The following LHFPL3 variants were observed in gnomAD, a reference collection of about 807,000 sequenced individuals.
LHFPL3 encodes the protein LHFPL tetraspan subfamily member 3 protein.
In LHFPL3, 5 loss-of-function variants were observed where a neutral mutation model predicts 19.3. That is an observed-to-expected ratio of 0.26 (90% CI 0.14 to 0.54). LHFPL3 has a LOEUF of 0.54. Ranked by LOEUF, LHFPL3 falls within the 20% of genes least tolerant of loss-of-function variation. LHFPL3 has a pLI of 0.94. For synonymous variants in LHFPL3, 133 were observed against 126.2 expected (o/e 1.05, Z -0.36); for missense variants, 249 against 307.4 (o/e 0.81, Z 1.42).
intron 1 of LHFPL3, among the ~76,000 whole-genome samples, chr7:104,516,087 G>T (rs933811437): frequency 4.6e-5 from 7 of 152,074 alleles, no homozygotes; most frequent in Non-Finnish European, 1.0e-4. Flanking sequence ...AAGGAAAAAG[G>T]TTTAGTTGAC....
In LHFPL3 at chr7:104,328,680, G is replaced by A. The variant is rs1055253437; in HGVS notation, c.-100G>A. 1.3e-5 allele frequency: 14 copies of A among 1,042,530 alleles called. No individual in the cohort carries two copies. Among genetic ancestry groups the A allele is most frequent in the African/African-American group, 1.1e-4 (7 of 63,996 alleles). 64.6% of individuals were successfully genotyped at this position (1,042,530 alleles called of 1,614,324 possible). A position where few individuals can be genotyped will look rare whatever the true frequency, so the allele number is the denominator to read the frequency against. On this transcript the variant is annotated 5_prime_UTR_variant, in exon 1 of 3. Transcript: ENST00000424859. The surrounding 1 kb of genome is among the most constrained non-coding windows in gnomAD (Gnocchi z 4.6). Reference sequence around the variant, plus strand: ...GCTGGGCTGAGGCGGAGGCAGGGGAGTTGCAGCGCGCGAGGCTCCGTGAGT... The same window carrying A: ...GCTGGGCTGAGGCGGAGGCAGGGGAATTGCAGCGCGCGAGGCTCCGTGAGT...
chr7:104,814,951 G>A (rs1159665291), intron 2 of LHFPL3, among the ~76,000 whole-genome samples: 1 of 152,202 alleles, frequency 6.6e-6, no homozygotes, highest in Non-Finnish European at 1.5e-5. Context: ...AGTAGTGCAG[G>A]GATGCCTGGG....
At chr7:104,819,707 C>T (rs1235732525) in intron 2 of LHFPL3, among the ~76,000 whole-genome samples, 1 of 152,146 alleles carries the variant, frequency 6.6e-6, no homozygotes, top group Non-Finnish European at 1.5e-5. Flanking sequence ...GTAATCACGA[C>T]CTTTTGGGAT....
chr7:104,762,226 G>A (rs965476610), intron 2 of LHFPL3, among the ~76,000 whole-genome samples: 1 of 152,108 alleles, frequency 6.6e-6, no homozygotes, highest in South Asian at 2.1e-4. Context: ...GATGTAGGTA[G>A]GAAGGAAGTA....
In LHFPL3 at chr7:104,504,001, A is replaced by C. The variant is rs62485117; in HGVS notation, c.445+174777A>C. 4.0e-3 allele frequency among the ~76,000 whole-genome samples: 609 copies of C among 152,268 alleles called. 4 individuals are homozygous for C. The highest frequency in any genetic ancestry group is 6.7e-3 in the Admixed American group (102 of 15,304). ...GATATGGAAAATAACTGCTCATCAC[A>C]CTTATGCAATCCATTCTGTACTAGA... On this transcript the variant is annotated intron_variant, in intron 1 of 2. Coordinates refer to ENST00000424859, the MANE Select transcript of LHFPL3 (RefSeq NM_199000.3).
At chr7:104,857,196 G>A in intron 2 of LHFPL3, among the ~76,000 whole-genome samples, 1 of 152,160 alleles carries the variant, frequency 6.6e-6, no homozygotes, top group East Asian at 1.9e-4. Flanking sequence ...CGCACTGCCA[G>A]CAATCTGCCT....
intron 1 of LHFPL3, among the ~76,000 whole-genome samples, chr7:104,384,782 T>A: frequency 8.0e-6 from 1 of 125,492 alleles, no homozygotes; most frequent in Non-Finnish European, 1.6e-5. Context: ...AGTGAAACTC[T>A]ATTTCAAAAA....
intron 1 of LHFPL3, among the ~76,000 whole-genome samples, chr7:104,565,301 T>G (rs1251946512): frequency 6.6e-6 from 1 of 152,218 alleles, no homozygotes. Context: ...AATCATAAAT[T>G]TGAGTCCACC....
At chr7:104,840,987 G>GTGAT (rs1454713950) in intron 2 of LHFPL3, among the ~76,000 whole-genome samples, 2 of 152,082 alleles carry the variant, frequency 1.3e-5, no homozygotes, top group African/African-American at 4.8e-5. Context: ...GCCATGATGA[G>GTGAT]TGATTTTGAT....
chr7:104,817,025 C>G (rs1371269214), intron 2 of LHFPL3, among the ~76,000 whole-genome samples: 2 of 152,214 alleles, frequency 1.3e-5, no homozygotes, highest in African/African-American at 4.8e-5. Context: ...GCTTCTCCCC[C>G]TCTTTCCACC....
chr7:104,778,910 G>A (rs745840404), intron 2 of LHFPL3, among the ~76,000 whole-genome samples: 26 of 152,350 alleles, frequency 1.7e-4, no homozygotes, highest in Admixed American at 1.1e-3. Context: ...TTTATGTGGC[G>A]TACTTGCCAT....
intron 1 of LHFPL3, among the ~76,000 whole-genome samples, chr7:104,591,105 C>A (rs1790711576): frequency 6.6e-6 from 1 of 152,114 alleles, no homozygotes; most frequent in Non-Finnish European, 1.5e-5. Flanking sequence ...AGTATTTAAC[C>A]CATTTACATT....
At chr7:104,719,952 T>C (rs1793456150) in intron 1 of LHFPL3, among the ~76,000 whole-genome samples, 1 of 152,166 alleles carries the variant, frequency 6.6e-6, no homozygotes, top group African/African-American at 2.4e-5. Flanking sequence ...AAATAACAAA[T>C]GGCAGCCTCC....
At chr7:104,505,460 T>C (rs915248271) in intron 1 of LHFPL3, among the ~76,000 whole-genome samples, 1 of 152,192 alleles carries the variant, frequency 6.6e-6, no homozygotes, top group Non-Finnish European at 1.5e-5. Context: ...GATAAAAAGT[T>C]GAATCTGGTA....
intron 2 of LHFPL3, among the ~76,000 whole-genome samples, chr7:104,854,232 A>G (rs1340582585): frequency 6.6e-6 from 1 of 152,010 alleles, no homozygotes; most frequent in Non-Finnish European, 1.5e-5. Flanking sequence ...AGGGCCAGTT[A>G]GAGGGAGGTG....
chr7:104,892,955 G>C (rs1792281463), intron 2 of LHFPL3, among the ~76,000 whole-genome samples: 1 of 152,032 alleles, frequency 6.6e-6, no homozygotes, highest in African/African-American at 2.4e-5. Context: ...AGTGGCTCAT[G>C]CTTGTAATCC....
At chr7:104,514,258 C>G (rs1471335027) in intron 1 of LHFPL3, among the ~76,000 whole-genome samples, 1 of 152,160 alleles carries the variant, frequency 6.6e-6, no homozygotes, top group African/African-American at 2.4e-5. Context: ...AATAAATCTT[C>G]TACTTCATCA....
chr7:104,454,226 G>A (rs982304990), intron 1 of LHFPL3, among the ~76,000 whole-genome samples: 2 of 152,154 alleles, frequency 1.3e-5, no homozygotes, highest in African/African-American at 4.8e-5. Context: ...ACTAGAATTG[G>A]TGTTATGTGT....
intron 1 of LHFPL3, among the ~76,000 whole-genome samples, chr7:104,388,477 A>C (rs542792284): frequency 2.0e-5 from 3 of 152,190 alleles, no homozygotes; most frequent in Non-Finnish European, 4.4e-5. Flanking sequence ...AGTGCTGAAA[A>C]GAAGGTCAAA....
Sources: gnomAD v4.1 joint callset for allele counts (sites outside exome capture counted in the v4.1 genomes callset) on GRCh38, gnomAD v4.1.1 for gene constraint, Gnocchi (gnomAD v3.1) non-coding constraint, MANE v1.5 for transcripts, NCBI Gene and HGNC (gene_info 2026-07-23, HGNC 2026-07-21) for gene names.